The following TBC1D14 variants were observed in gnomAD, a reference collection of about 807,000 sequenced individuals.
The protein encoded by TBC1D14 is TBC1 domain family member 14.
TBC1D14 carries 26 observed loss-of-function variants against 79.0 expected under a neutral mutation model. The ratio of observed to expected loss-of-function variants is 0.33; its 90% CI spans 0.24 to 0.46. The LOEUF (loss-of-function observed/expected upper bound fraction) is 0.46. TBC1D14 is among the 20% of genes least tolerant of loss of function. TBC1D14 has a pLI of 1.00. For synonymous variants in TBC1D14, 394 were observed against 349.9 expected (o/e 1.13, Z -1.40); for missense variants, 769 against 887.6 (o/e 0.87, Z 1.70).
chr4:6,953,629 C>CAAAAAA (rs750667631), intron 2 of TBC1D14, among the ~76,000 whole-genome samples: 2,975 of 54,790 alleles, frequency 0.054, 582 homozygotes, highest in African/African-American at 0.076. Flanking sequence ...GACTCCGTCT[C>CAAAAAA]AAAAAAAAAA....
intron 1 of TBC1D14, among the ~76,000 whole-genome samples, chr4:6,922,170 C>A (rs1449776526): frequency 6.6e-6 from 1 of 152,180 alleles, no homozygotes; most frequent in Non-Finnish European, 1.5e-5. Flanking sequence ...CCTCCCACCT[C>A]AGTCTTCAGA....
chr4:7,002,662 C>G (rs1179056309), intron 7 of TBC1D14, among the ~76,000 whole-genome samples: 2 of 152,192 alleles, frequency 1.3e-5, no homozygotes, highest in South Asian at 4.1e-4. Context: ...CTGCTGTGCT[C>G]TCTACCTTTT....
intron 12 of TBC1D14, among the ~76,000 whole-genome samples, chr4:7,017,386 G>A (rs1205711219): frequency 6.6e-6 from 1 of 152,156 alleles, no homozygotes; most frequent in East Asian, 1.9e-4. Context: ...ATGCAGAGCT[G>A]GAGTCCGGAC....
intron 2 of TBC1D14, among the ~76,000 whole-genome samples, chr4:6,950,561 CT>C: frequency 7.2e-6 from 1 of 139,058 alleles, no homozygotes; most frequent in East Asian, 2.2e-4. Context: ...TATCAGATAC[CT>C]TACTCTTTAT....
Position 7,030,459 on chromosome 4 carries a change from G to C in TBC1D14, c.*67G>C. On this transcript the variant is annotated 3_prime_UTR_variant, in exon 14 of 14. Coordinates refer to ENST00000409757, the MANE Select transcript of TBC1D14 (RefSeq NM_020773.3). ...ATGCCGCGGCCCCTCTGTTGTTTCAGACTGACACCCGGGCAGCCGAGAAGA... is the reference window on the plus strand; with the variant it reads ...ATGCCGCGGCCCCTCTGTTGTTTCACACTGACACCCGGGCAGCCGAGAAGA... The C allele has an allele frequency of 6.5e-7, 1 of 1,539,522 alleles. No individual in the cohort carries two copies. Among genetic ancestry groups the C allele is most frequent in the Non-Finnish European group, 9.0e-7 (1 of 1,114,998 alleles).
chr4:7,026,228 C>T (rs1460210112), intron 13 of TBC1D14, among the ~76,000 whole-genome samples: 1 of 152,042 alleles, frequency 6.6e-6, no homozygotes, highest in African/African-American at 2.4e-5. Flanking sequence ...CCCCCACACG[C>T]CTGCTCTGCA....
chr4:6,984,159 A>G (rs2109107320), intron 3 of TBC1D14, among the ~76,000 whole-genome samples: 1 of 152,302 alleles, frequency 6.6e-6, no homozygotes, highest in South Asian at 2.1e-4. Flanking sequence ...GGGATTAGAA[A>G]GCTGGAATGT....
In TBC1D14 at chr4:7,010,076, G is replaced by A. The variant is rs753821920; in HGVS notation, c.1518+128G>A. ...TTTGCCGAGGAGTATGAAAAGTCTC[G>A]TGGTAAGTGAGTTAAGTGAGTTGAC... On this transcript the variant is annotated intron_variant, in intron 10 of 13. Transcript: ENST00000409757. The A allele has an allele frequency of 3.9e-5, 40 of 1,031,414 alleles. No homozygotes were observed. The East Asian group carries it at 4.1e-4, about 10-fold the overall frequency. The allele number at this position is 1,031,414 out of a possible 1,614,324, so 63.9% of individuals were successfully genotyped here.
At chr4:6,965,038 G>C (rs1191148140) in intron 2 of TBC1D14, among the ~76,000 whole-genome samples, 6 of 152,126 alleles carry the variant, frequency 3.9e-5, no homozygotes, top group African/African-American at 1.4e-4. Flanking sequence ...TATTTCCTAA[G>C]AACAAGGGCA....
chr4:6,927,848 A>G (rs181820486), intron 2 of TBC1D14, among the ~76,000 whole-genome samples: 13 of 152,340 alleles, frequency 8.5e-5, no homozygotes, highest in African/African-American at 3.1e-4. Flanking sequence ...TTTGAAGGAA[A>G]TTTACTAATG....
At chr4:6,966,856 C>G (rs189430984) in intron 2 of TBC1D14, among the ~76,000 whole-genome samples, 6 of 152,340 alleles carry the variant, frequency 3.9e-5, no homozygotes, top group African/African-American at 1.4e-4. Flanking sequence ...GTCACCCAGG[C>G]TGGAGTGCAG....
At position 7,030,254 on chromosome 4, in the gene TBC1D14, G is replaced by A. The variant is rs1028699594; in HGVS notation, c.2017-73G>A. 4.7e-6 allele frequency: 7 copies of A among 1,483,246 alleles called. No homozygotes were observed. The African/African-American group carries it at 6.9e-5, about 15-fold the overall frequency. 91.9% of individuals were successfully genotyped at this position (1,483,246 alleles called of 1,614,324 possible). ...GGGACCCTGTTAGGAGGCTACTGCT[G>A]TCTCTGCTTCGCTGCTGTCAGGATC... is the stretch of plus-strand genomic sequence containing the variant. On this transcript the variant is annotated intron_variant, in intron 13 of 13. Transcript: ENST00000409757.
At chr4:6,921,320 C>T (rs1018430394) in intron 1 of TBC1D14, among the ~76,000 whole-genome samples, 2 of 151,284 alleles carry the variant, frequency 1.3e-5, no homozygotes, top group Admixed American at 6.6e-5. Context: ...GTGATCCTCC[C>T]ACCTCAGCCT....
chr4:6,966,964 C>G (rs953829222), intron 2 of TBC1D14, among the ~76,000 whole-genome samples: 16 of 152,128 alleles, frequency 1.1e-4, no homozygotes, highest in Non-Finnish European at 1.6e-4. Context: ...TGCCTGCCAC[C>G]ATGCTGGGCT....
At chr4:6,998,198 A>G (rs1719266817) in intron 5 of TBC1D14, among the ~76,000 whole-genome samples, 1 of 152,064 alleles carries the variant, frequency 6.6e-6, no homozygotes, top group Admixed American at 6.5e-5. Context: ...TGTCTCTACT[A>G]AAAATACAAA....
In TBC1D14 at chr4:6,923,413, C is replaced by T. The variant is rs1318562051; in HGVS notation, c.24C>T (p.Thr8=). ...AGATGACTGATGGAAAACTCTCCACCTCTACAAATGGCGTAGCCTTCATGG... is the reference window on the plus strand; with the variant it reads ...AGATGACTGATGGAAAACTCTCCACTTCTACAAATGGCGTAGCCTTCATGG... MTDGKLS[T]STNGVAFMGI... is the part of the protein sequence containing the mutation. Residue 8 remains threonine (T), a synonymous_variant, in exon 2 of 14, where the codon ACC becomes ACT. Coordinates refer to ENST00000409757, the MANE Select transcript of TBC1D14 (RefSeq NM_020773.3). The T allele has an allele frequency of 6.2e-7, 1 of 1,609,534 alleles. No individual in the cohort carries two copies. The highest frequency in any genetic ancestry group is 1.3e-5 in the African/African-American group (1 of 74,738).
chr4:6,936,150 GAC>G (rs1391449263), intron 2 of TBC1D14, among the ~76,000 whole-genome samples: 3 of 152,178 alleles, frequency 2.0e-5, no homozygotes, highest in African/African-American at 7.2e-5. Flanking sequence ...CACACTGGCT[GAC>G]ACATCATTAT....
At chr4:6,939,994 GC>G (rs1475066056) in intron 2 of TBC1D14, among the ~76,000 whole-genome samples, 1 of 152,204 alleles carries the variant, frequency 6.6e-6, no homozygotes, top group Admixed American at 6.5e-5. Flanking sequence ...AGCGGCCTGT[GC>G]CCCTGGCTCC....
At chr4:6,996,857 T>C (rs550405073) in intron 5 of TBC1D14, among the ~76,000 whole-genome samples, 66 of 152,350 alleles carry the variant, frequency 4.3e-4, no homozygotes, top group African/African-American at 1.5e-3. Flanking sequence ...CTGTGTAAGA[T>C]AGAAATACTA....
Sources: allele counts gnomAD v4.1 joint callset (sites outside exome capture counted in the v4.1 genomes callset), GRCh38; gene constraint gnomAD v4.1.1; transcripts MANE v1.5; gene names NCBI Gene and HGNC (gene_info 2026-07-23, HGNC 2026-07-21).